GNB4: variants seen among roughly 807,000 people sequenced by gnomAD.
GNB4 encodes G protein subunit beta 4, also known as guanine nucleotide-binding protein subunit beta-4.
In GNB4, 28 loss-of-function variants were observed where a neutral mutation model predicts 45.2. The ratio of observed to expected loss-of-function variants is 0.62; its 90% CI spans 0.46 to 0.85. GNB4 has a LOEUF of 0.85. Among genes scored for constraint, GNB4 ranks in the 40% least tolerant of loss-of-function variants. The pLI, the probability that GNB4 is intolerant of heterozygous loss-of-function variation, is 0.00. For missense variants in GNB4, 321 were observed against 425.4 expected (o/e 0.75, Z 2.16); for synonymous variants, 132 against 143.7 (o/e 0.92, Z 0.58).
chr3:179,475,015 C>T, the GNB4 span, among the ~76,000 whole-genome samples: 2 of 152,120 alleles, frequency 1.3e-5, no homozygotes, highest in Admixed American at 6.6e-5. Context: ...CAAAGGCCTT[C>T]AAGCTGTGTC....
intron 1 of GNB4, among the ~76,000 whole-genome samples, chr3:179,442,332 C>G (rs898352388): frequency 6.6e-6 from 1 of 152,166 alleles, no homozygotes; most frequent in Non-Finnish European, 1.5e-5. Flanking sequence ...TTCACCTGTA[C>G]TACTTCTTAA....
At position 179,432,498 on chromosome 3, in the gene GNB4, T is replaced by C. The variant is rs80300543; in HGVS notation, c.-42-6256A>G. ...CACAGACCAATAGATTATAAACTAC[T>C]CTAAGACAAACCTAAAGGCTGACTA... On this transcript the variant is annotated intron_variant, in intron 1 of 9. Transcript: ENST00000232564. Among the ~76,000 whole-genome samples, 523 of 152,216 alleles carry C rather than the reference T, an allele frequency of 3.4e-3. 1 individual carries two copies. Among genetic ancestry groups the C allele is most frequent in the African/African-American group, 0.012 (491 of 41,526 alleles).
the GNB4 span, among the ~76,000 whole-genome samples, chr3:179,523,933 C>T: frequency 6.6e-6 from 1 of 151,982 alleles, no homozygotes; most frequent in Non-Finnish European, 1.5e-5. Flanking sequence ...GTGGGGATAA[C>T]TAAAAAGGAG....
At chr3:179,484,986 T>C in the GNB4 span, among the ~76,000 whole-genome samples, 181 of 149,370 alleles carry the variant, frequency 1.2e-3, no homozygotes, top group Non-Finnish European at 2.2e-3. Flanking sequence ...TCAGTGTTCA[T>C]GGCAACTTTT....
intron 1 of GNB4, among the ~76,000 whole-genome samples, chr3:179,436,072 TA>T (rs1181994582): frequency 6.6e-6 from 1 of 152,160 alleles, no homozygotes; most frequent in Non-Finnish European, 1.5e-5. Context: ...ATATAAGCCA[TA>T]AAAAATGTTA....
At chr3:179,522,826 G>A in the GNB4 span, among the ~76,000 whole-genome samples, 5 of 152,308 alleles carry the variant, frequency 3.3e-5, no homozygotes, top group African/African-American at 1.2e-4. Context: ...GCCTAAAACA[G>A]TAAGGGCAAG....
chr3:179,494,931 A>G, the GNB4 span, among the ~76,000 whole-genome samples: 5 of 145,118 alleles, frequency 3.4e-5, no homozygotes, highest in African/African-American at 1.3e-4. Flanking sequence ...AAAAAAAAAA[A>G]GGAAGGAAGG....
chr3:179,413,913 C>G, intron 6 of GNB4, 132 bp from the exon 7 acceptor site: 1 of 688,754 alleles, frequency 1.5e-6, no homozygotes, highest in Non-Finnish European at 2.4e-6. Context: ...GTCTATAGTT[C>G]TACTTTTAGT....
rs1715843066 is a variant in GNB4, at chr3:179,450,594, G to C, written c.-43+752C>G. Among the ~76,000 whole-genome samples, 2 of 152,072 alleles carry C rather than the reference G, an allele frequency of 1.3e-5. 1 individual carries two copies. Among genetic ancestry groups the C allele is most frequent in the South Asian group, 4.1e-4 (2 of 4,822 alleles). On this transcript the variant is annotated intron_variant, in intron 1 of 9. Coordinates refer to ENST00000232564, the MANE Select transcript of GNB4 (RefSeq NM_021629.4). ...GAAAGGGAAGGAGTGGGAGAAAAGG[G>C]AACACAAGGAGACGAAAAATAACAA...
chr3:179,459,391 C>T, the GNB4 span, among the ~76,000 whole-genome samples: 1 of 152,202 alleles, frequency 6.6e-6, no homozygotes, highest in Admixed American at 6.5e-5. Flanking sequence ...CTCTTAGAAG[C>T]CTACCTTCCG....
chr3:179,464,153 A>G, the GNB4 span, among the ~76,000 whole-genome samples: 1 of 152,144 alleles, frequency 6.6e-6, no homozygotes, highest in South Asian at 2.1e-4. Context: ...CCTCTGGGCC[A>G]AGGGCATTCC....
chr3:179,461,134 C>T, the GNB4 span, among the ~76,000 whole-genome samples: 1 of 152,136 alleles, frequency 6.6e-6, no homozygotes, highest in African/African-American at 2.4e-5. Flanking sequence ...CCTTGGCCTG[C>T]GTCTTGGGCT....
At chr3:179,416,471 A>G in intron 5 of GNB4, 22 bp downstream of exon 5, 2 of 1,387,092 alleles carry the variant, frequency 1.4e-6, no homozygotes, top group Non-Finnish European at 1.0e-6. Flanking sequence ...GGTTATTTAA[A>G]AGAATTATGA....
chr3:179,475,742 G>C, the GNB4 span, among the ~76,000 whole-genome samples: 1 of 152,170 alleles, frequency 6.6e-6, no homozygotes, highest in Non-Finnish European at 1.5e-5. Context: ...AAATTGCTGG[G>C]ATTACAGGCA....
At chr3:179,520,890 C>T in the GNB4 span, among the ~76,000 whole-genome samples, 1 of 152,150 alleles carries the variant, frequency 6.6e-6, no homozygotes, top group African/African-American at 2.4e-5. Context: ...CAAAGGCAGG[C>T]TATGCTATAG....
At chr3:179,493,525 CAAA>C in the GNB4 span, among the ~76,000 whole-genome samples, 6 of 117,550 alleles carry the variant, frequency 5.1e-5, no homozygotes, top group Middle Eastern at 4.4e-3. Flanking sequence ...TATCCAGTCT[CAAA>C]AAAAAAAAAA....
At chr3:179,517,012 T>C in the GNB4 span, among the ~76,000 whole-genome samples, 1 of 152,148 alleles carries the variant, frequency 6.6e-6, no homozygotes, top group African/African-American at 2.4e-5. Context: ...GATCCTCGCA[T>C]AGTGAGGAAA....
At chr3:179,415,357 G>C (rs1018553859) in intron 5 of GNB4, among the ~76,000 whole-genome samples, 1 of 152,184 alleles carries the variant, frequency 6.6e-6, no homozygotes. Context: ...AAAATTAAGT[G>C]TAAAATGTTA....
chr3:179,500,146 A>C, the GNB4 span, among the ~76,000 whole-genome samples: 710 of 152,334 alleles, frequency 4.7e-3, 5 homozygotes, highest in African/African-American at 0.016. Flanking sequence ...TTTAGTCATG[A>C]AGTCTTTGCC....
Sources: gnomAD v4.1 joint callset for allele counts (sites outside exome capture counted in the v4.1 genomes callset) on GRCh38, gnomAD v4.1.1 for gene constraint, MANE v1.5 for transcripts, NCBI Gene and HGNC (gene_info 2026-07-23, HGNC 2026-07-21) for gene names.